SLC25A12: variants seen among roughly 807,000 people sequenced by gnomAD.
The protein encoded by SLC25A12 is solute carrier family 25 member 12, also known as electrogenic aspartate/glutamate antiporter SLC25A12, mitochondrial.
Under a neutral mutation model 83.3 loss-of-function variants are expected in SLC25A12, and 32 were observed. That is an observed-to-expected ratio of 0.38 (90% CI 0.29 to 0.52). The LOEUF is 0.52. Ranked by LOEUF, SLC25A12 falls within the 20% of genes least tolerant of loss-of-function variation. SLC25A12 has a pLI of 0.84. For missense variants in SLC25A12, 611 were observed against 835.6 expected (o/e 0.73, Z 3.31); for synonymous variants, 267 against 291.1 (o/e 0.92, Z 0.84).
intron 4 of SLC25A12, among the ~76,000 whole-genome samples, chr2:171,846,812 A>C (rs1483706190): frequency 6.6e-6 from 1 of 152,184 alleles, no homozygotes; most frequent in Non-Finnish European, 1.5e-5. Context: ...TCTCGAAAAA[A>C]AAGTTTCTAT....
chr2:171,821,017 CTTTTTTTT>C (rs869070730), intron 9 of SLC25A12, among the ~76,000 whole-genome samples: 125 of 48,620 alleles, frequency 2.6e-3, no homozygotes, highest in African/African-American at 9.4e-3. Flanking sequence ...TATAAACATT[CTTTTTTTT>C]TTTTTTTTTT....
chr2:171,879,758 G>A (rs1210758328), intron 2 of SLC25A12, among the ~76,000 whole-genome samples: 2 of 152,146 alleles, frequency 1.3e-5, no homozygotes, highest in Non-Finnish European at 2.9e-5. Flanking sequence ...CTGCTCCTAG[G>A]GGGATGGAAT....
At position 171,791,551 on chromosome 2, in the gene SLC25A12, A is replaced by G. The variant is rs760729349; in HGVS notation, c.1485T>C (p.Ser495=). ...GAGCATAAACAGGAAAATAGATTGC[A>G]GAGAAGGGAATGTCTCGGAGGAAAC... The part of the protein sequence containing the change: ...KACFLRDIPF[S]AIYFPVYAHC... The change falls in exon 15 of 18, where the codon TCT becomes TCC. Residue 495 remains serine, a synonymous_variant. Coordinates refer to ENST00000422440, the MANE Select transcript of SLC25A12 (RefSeq NM_003705.5). 6.2e-7 allele frequency: 1 copy of G among 1,613,864 alleles called. No individual in the cohort carries two copies. The highest frequency in any genetic ancestry group is 1.7e-5 in the Admixed American group (1 of 60,030).
At chr2:171,847,202 C>A (rs904398949) in intron 4 of SLC25A12, among the ~76,000 whole-genome samples, 1 of 152,162 alleles carries the variant, frequency 6.6e-6, no homozygotes, top group African/African-American at 2.4e-5. Flanking sequence ...TACAAACCTA[C>A]TTTGGCACTT....
At chr2:171,836,363 C>A (rs550575470) in intron 6 of SLC25A12, among the ~76,000 whole-genome samples, 5 of 152,324 alleles carry the variant, frequency 3.3e-5, no homozygotes, top group African/African-American at 1.2e-4. Context: ...AAGTACAACG[C>A]ATAGACAAGA....
intron 4 of SLC25A12, among the ~76,000 whole-genome samples, chr2:171,851,943 A>T (rs532402476): frequency 2.0e-5 from 3 of 152,326 alleles, no homozygotes; most frequent in Non-Finnish European, 4.4e-5. Flanking sequence ...GATCTCCAGT[A>T]CACTTGTGGA....
At position 171,889,506 on chromosome 2, in the gene SLC25A12, T is replaced by A. The variant is rs142351298; in HGVS notation, c.66+3699A>T. ...AGCTACTTCCAATCTCTTCATACTT[T>A]ATCCAACATACACAAAAAGCTGCCA... On this transcript the variant is annotated intron_variant, in intron 2 of 17. Coordinates refer to ENST00000422440, the MANE Select transcript of SLC25A12 (RefSeq NM_003705.5). Among the ~76,000 whole-genome samples, 17 of 152,358 alleles carry A rather than the reference T, an allele frequency of 1.1e-4. 1 individual carries two copies. In the East Asian group the frequency reaches 3.3e-3, roughly 29 times the overall value.
chr2:171,871,255 T>C (rs1685451371), intron 2 of SLC25A12, among the ~76,000 whole-genome samples: 1 of 151,614 alleles, frequency 6.6e-6, no homozygotes, highest in Admixed American at 6.6e-5. Flanking sequence ...ACAAGTGCTA[T>C]ATCAGCCTGC....
chr2:171,851,946 C>G (rs1005662013), intron 4 of SLC25A12, among the ~76,000 whole-genome samples: 1 of 152,228 alleles, frequency 6.6e-6, no homozygotes, highest in Non-Finnish European at 1.5e-5. Context: ...CTCCAGTACA[C>G]TTGTGGACAA....
At chr2:171,882,306 G>C (rs977875434) in intron 2 of SLC25A12, among the ~76,000 whole-genome samples, 1 of 152,204 alleles carries the variant, frequency 6.6e-6, no homozygotes, top group Non-Finnish European at 1.5e-5. Flanking sequence ...CAACTGAACA[G>C]TTCCAGAGGT....
intron 11 of SLC25A12, among the ~76,000 whole-genome samples, chr2:171,811,922 T>C (rs1683953373): frequency 6.6e-6 from 1 of 152,150 alleles, no homozygotes; most frequent in Non-Finnish European, 1.5e-5. Context: ...ATATTGGAGA[T>C]ATCAAGGAAA....
intron 2 of SLC25A12, among the ~76,000 whole-genome samples, chr2:171,871,243 C>T (rs968458442): frequency 1.3e-5 from 2 of 151,992 alleles, no homozygotes; most frequent in East Asian, 1.9e-4. Flanking sequence ...GAGACTACCA[C>T]CACAAGTGCT....
intron 9 of SLC25A12, 92 bp from the exon 10 acceptor site, chr2:171,815,294 C>T: frequency 1.1e-6 from 1 of 889,242 alleles, no homozygotes; most frequent in Non-Finnish European, 1.9e-6. Flanking sequence ...CAAGAAAAAA[C>T]AAAACCTAAA....
chr2:171,809,139 A>G (rs1683900448), intron 13 of SLC25A12, among the ~76,000 whole-genome samples: 1 of 152,196 alleles, frequency 6.6e-6, no homozygotes, highest in Non-Finnish European at 1.5e-5. Context: ...AGTCTTTGCT[A>G]TTGTGAATAG....
intron 8 of SLC25A12, among the ~76,000 whole-genome samples, chr2:171,833,498 T>C (rs1385588601): frequency 6.6e-6 from 1 of 152,146 alleles, no homozygotes; most frequent in Non-Finnish European, 1.5e-5. Flanking sequence ...CTCAAACTTT[T>C]GACCTCAGAT....
chr2:171,795,444 T>A (rs1472629166), intron 13 of SLC25A12, among the ~76,000 whole-genome samples: 2 of 152,218 alleles, frequency 1.3e-5, no homozygotes, highest in Non-Finnish European at 2.9e-5. Flanking sequence ...TCCAAGTAAT[T>A]GCTCCTGTAG....
chr2:171,882,987 C>G (rs1267935321), intron 2 of SLC25A12, among the ~76,000 whole-genome samples: 2 of 152,162 alleles, frequency 1.3e-5, no homozygotes, highest in Admixed American at 1.3e-4. Flanking sequence ...TAGACTGTGA[C>G]TATACAACAT....
intron 2 of SLC25A12, among the ~76,000 whole-genome samples, chr2:171,884,190 CTT>C (rs796117861): frequency 7.4e-6 from 1 of 134,656 alleles, no homozygotes. Context: ...AATCTGTGGG[CTT>C]TTTTTTTTTT....
intron 13 of SLC25A12, among the ~76,000 whole-genome samples, chr2:171,795,250 C>T (rs1347257411): frequency 6.6e-6 from 1 of 152,164 alleles, no homozygotes; most frequent in Non-Finnish European, 1.5e-5. Context: ...TCGACACAAT[C>T]CAGACCACTG....
Sources: allele counts gnomAD v4.1 joint callset (sites outside exome capture counted in the v4.1 genomes callset), GRCh38; gene constraint gnomAD v4.1.1; transcripts MANE v1.5; gene names NCBI Gene and HGNC (gene_info 2026-07-23, HGNC 2026-07-21).